The following ZNF398 variants were observed in gnomAD, a reference collection of about 807,000 sequenced individuals.
The protein encoded by ZNF398 is zinc finger DNA binding protein ZER6.
ZNF398 carries 18 observed loss-of-function variants against 41.9 expected under a neutral mutation model. The observed-to-expected ratio is 0.43, with a 90% CI of 0.30 to 0.64. The LOEUF (loss-of-function observed/expected upper bound fraction) is 0.64. Ranked by LOEUF, ZNF398 falls within the 30% of genes least tolerant of loss-of-function variation. The pLI is 0.14. For synonymous variants in ZNF398, 260 were observed against 308.8 expected, an observed-to-expected ratio of 0.84 and a Z score of 1.66; for missense variants, 669 against 822.8, an observed-to-expected ratio of 0.81 and a Z score of 2.29.
At chr7:149,174,040 C>T (rs534102561) in intron 4 of ZNF398, among the ~76,000 whole-genome samples, 5 of 152,040 alleles carry the variant, frequency 3.3e-5, no homozygotes, top group African/African-American at 7.2e-5. Flanking sequence ...GTGATCCGCC[C>T]GCCTTGGCCT....
chr7:149,142,460 G>A (rs1288683255), upstream of ZNF398, among the ~76,000 whole-genome samples: 6 of 152,192 alleles, frequency 3.9e-5, no homozygotes, highest in Non-Finnish European at 8.8e-5. Context: ...GAGGTCAGGA[G>A]ATCGAGACCA....
rs1795524317 is a variant in ZNF398, at chr7:149,178,741, A to T, written c.869A>T (p.Lys290Met). ...TTCTCTTCTCCACCAGCAGCAGCAA[A>T]GGATGCTTTTTCAGATGTGGCTTTC... ...VPFSSPPAAA[K>M]DAFSDVAFKS... The change falls in exon 6 of 6, where the codon AAG (lysine) becomes ATG (methionine). Residue 290 changes from lysine to methionine, a missense_variant. By Grantham distance (95) the Lys-to-Met change is moderately conservative (BLOSUM62 -1). Coordinates refer to ENST00000475153, the MANE Select transcript of ZNF398 (RefSeq NM_170686.3). 6.2e-7 allele frequency: 1 copy of T among 1,614,054 alleles called. No individual in the cohort carries two copies.
chr7:149,173,174 G>A (rs940916153), intron 4 of ZNF398, among the ~76,000 whole-genome samples: 9 of 137,060 alleles, frequency 6.6e-5, no homozygotes, highest in South Asian at 4.6e-4. Context: ...GCACGATCTC[G>A]GCTCACTGCA....
intron 1 of ZNF398, among the ~76,000 whole-genome samples, chr7:149,127,603 GC>G (rs1826512834): frequency 6.8e-6 from 1 of 148,050 alleles, no homozygotes; most frequent in Non-Finnish European, 1.5e-5. Flanking sequence ...TGTAGTCCCA[GC>G]TCCTAGGGAG....
intron 4 of ZNF398, among the ~76,000 whole-genome samples, chr7:149,171,644 C>T (rs948770488): frequency 6.6e-6 from 1 of 151,896 alleles, no homozygotes; most frequent in African/African-American, 2.4e-5. Context: ...CCACCTGCCT[C>T]GGCCTCCCAA....
At chr7:149,155,920 G>T (rs1280793217) in intron 2 of ZNF398, among the ~76,000 whole-genome samples, 7 of 151,416 alleles carry the variant, frequency 4.6e-5, no homozygotes, top group African/African-American at 1.7e-4. Flanking sequence ...TAGAGACGGG[G>T]TTTCACCATG....
At chr7:149,145,671 G>A (rs1319374454), upstream of ZNF398, among the ~76,000 whole-genome samples, 2 of 152,114 alleles carry the variant, frequency 1.3e-5, no homozygotes, top group East Asian at 1.9e-4. Context: ...CTTGTACCAC[G>A]ATTTCACCAG....
Position 149,147,858 on chromosome 7 carries a change from G to A in ZNF398, c.24+92G>A. 4 of 1,285,976 alleles carry A rather than the reference G, an allele frequency of 3.1e-6. No individual in the cohort carries two copies. Among genetic ancestry groups the A allele is most frequent in the Non-Finnish European group, 4.0e-6 (4 of 1,005,876 alleles). The allele number at this position is 1,285,976 out of a possible 1,614,324, so 79.7% of individuals were successfully genotyped here. A position where few individuals can be genotyped will look rare whatever the true frequency, so the allele number is the denominator to read the frequency against. On this transcript the variant is annotated intron_variant, in intron 1 of 5. Coordinates refer to ENST00000475153, the MANE Select transcript of ZNF398 (RefSeq NM_170686.3). The surrounding 1 kb of genome is among the most constrained non-coding windows in gnomAD (Gnocchi z 5.6). ...GGGCAGGGAGCTGCCAGGCATAGGCGCCGTTCTCGGGTCCCGCCGGCCACG... is the reference window on the plus strand; with the variant it reads ...GGGCAGGGAGCTGCCAGGCATAGGCACCGTTCTCGGGTCCCGCCGGCCACG...
chr7:149,155,707 A>ATTTTTTTTT (rs1359986695), intron 2 of ZNF398, among the ~76,000 whole-genome samples: 1 of 73,578 alleles, frequency 1.4e-5, no homozygotes, highest in African/African-American at 6.8e-5. Flanking sequence ...ATATATATAT[A>ATTTTTTTTT]TTTTTTTTTT....
At chr7:149,153,827 A>G in intron 1 of ZNF398, 118 bp from the exon 2 acceptor site, 1 of 1,239,946 alleles carries the variant, frequency 8.1e-7, no homozygotes, top group South Asian at 1.5e-5. Context: ...AGGCAGTACT[A>G]GAACTATATT....
intron 1 of ZNF398, among the ~76,000 whole-genome samples, chr7:149,153,733 GTCTTACCC>G (rs1441596892): frequency 6.6e-6 from 1 of 152,170 alleles, no homozygotes; most frequent in Non-Finnish European, 1.5e-5. Flanking sequence ...TTAATTCACT[GTCTTACCC>G]AATCTATCCC....
In ZNF398 at chr7:149,126,459, C is replaced by T. The variant is rs116487064; in HGVS notation, c.-808C>T. Reference sequence around the variant, plus strand: ...GCCCGGGCACCCTCCGTGCGGGCCGCAGCACGCCGGTCTTTGAGGGACCCT... The same window carrying T: ...GCCCGGGCACCCTCCGTGCGGGCCGTAGCACGCCGGTCTTTGAGGGACCCT... On this transcript the variant is annotated 5_prime_UTR_variant, in exon 1 of 7. Transcript: ENST00000426851. 3.3e-3 allele frequency: 2,069 copies of T among 620,890 alleles called. 31 individuals are homozygous for T. In the African/African-American group the frequency reaches 0.036, roughly 11 times the overall value. The allele number at this position is 620,890 out of a possible 1,614,324, so 38.5% of individuals were successfully genotyped here.
intron 2 of ZNF398, among the ~76,000 whole-genome samples, chr7:149,134,366 C>G (rs540048044): frequency 6.6e-6 from 1 of 151,924 alleles, no homozygotes; most frequent in Admixed American, 6.6e-5. Context: ...GCTAGGATTA[C>G]AGGTGTGAGC....
chr7:149,127,783 C>T (rs1348251118), intron 1 of ZNF398, among the ~76,000 whole-genome samples: 1 of 152,058 alleles, frequency 6.6e-6, no homozygotes, highest in African/African-American at 2.4e-5. Context: ...TATGAATTTT[C>T]ACATATGTAT....
chr7:149,173,199 G>A (rs1795388562), intron 4 of ZNF398, among the ~76,000 whole-genome samples: 1 of 141,706 alleles, frequency 7.1e-6, no homozygotes, highest in African/African-American at 2.6e-5. Flanking sequence ...CCGACTCCTA[G>A]GTTCAAGCAA....
At chr7:149,133,678 T>TATAC (rs1483673161) in intron 2 of ZNF398, among the ~76,000 whole-genome samples, 12 of 67,024 alleles carry the variant, frequency 1.8e-4, no homozygotes, top group African/African-American at 6.1e-4. Context: ...TATATATATA[T>TATAC]ACATATATAT....
intron 2 of ZNF398, among the ~76,000 whole-genome samples, chr7:149,141,802 T>G (rs1253841714): frequency 6.6e-6 from 1 of 152,008 alleles, no homozygotes; most frequent in Non-Finnish European, 1.5e-5. Context: ...TTGGCCAGGC[T>G]GGTCTTGAAC....
intron 2 of ZNF398, among the ~76,000 whole-genome samples, chr7:149,157,675 T>A (rs1296897528): frequency 2.1e-5 from 3 of 145,620 alleles, no homozygotes; most frequent in Non-Finnish European, 3.0e-5. Context: ...CCGTCTCTAC[T>A]AAAAGTACAA....
chr7:149,166,748 T>C, intron 3 of ZNF398, 69 bp from the exon 4 acceptor site: 1 of 1,113,098 alleles, frequency 9.0e-7, no homozygotes. Context: ...CAGCTCAGCC[T>C]TGATGGCAAT....
Sources: allele counts gnomAD v4.1 joint callset (sites outside exome capture counted in the v4.1 genomes callset), GRCh38; gene constraint gnomAD v4.1.1; non-coding constraint Gnocchi (gnomAD v3.1); transcripts MANE v1.5; gene names NCBI Gene and HGNC (gene_info 2026-07-23, HGNC 2026-07-21).